KLHL1: variants seen among roughly 807,000 people sequenced by gnomAD.
KLHL1 encodes kelch-like protein 1.
A neutral mutation model predicts 77.7 loss-of-function variants in KLHL1; 47 were observed. The observed-to-expected ratio is 0.60, with a 90% CI of 0.48 to 0.77. The LOEUF (loss-of-function observed/expected upper bound fraction) is 0.77, where lower values mean the gene tolerates loss of function less well. KLHL1 is among the 30% of genes least tolerant of loss of function. The pLI, the probability that KLHL1 is intolerant of heterozygous loss-of-function variation, is 0.00. For missense variants in KLHL1, 925 were observed against 910.8 expected (o/e 1.02, Z -0.20); for synonymous variants, 360 against 325.2 (o/e 1.11, Z -1.15).
Position 70,054,362 on chromosome 13 carries a change from A to C in KLHL1, c.497+52841T>G, listed in dbSNP as rs189600700. 1.7e-3 allele frequency among the ~76,000 whole-genome samples: 263 copies of C among 152,194 alleles called. 1 individual carries two copies. The highest frequency in any genetic ancestry group is 5.9e-3 in the African/African-American group (246 of 41,530). The stretch of plus-strand genomic sequence containing the variant: ...AATGTGATACAAGTGTCCAGTATAC[A>C]CTATTATGTTTCTAGAGGTTTTTTA... On this transcript the variant is annotated intron_variant, in intron 1 of 10. Transcript: ENST00000377844.
intron 6 of KLHL1, among the ~76,000 whole-genome samples, chr13:69,815,377 T>C (rs1048152442): frequency 6.6e-5 from 10 of 152,150 alleles, no homozygotes; most frequent in African/African-American, 2.4e-4. Context: ...GCAGCCATAA[T>C]AAAGAATGAA....
intron 8 of KLHL1, among the ~76,000 whole-genome samples, chr13:69,724,939 C>T (rs190497577): frequency 2.6e-4 from 39 of 152,244 alleles, no homozygotes; most frequent in Admixed American, 2.0e-3. Context: ...ATCATGTTTA[C>T]ATCTGCTCTA....
chr13:70,025,154 T>C (rs1421457299), intron 1 of KLHL1, among the ~76,000 whole-genome samples: 2 of 152,024 alleles, frequency 1.3e-5, no homozygotes, highest in East Asian at 1.9e-4. Context: ...CTCATTTAAA[T>C]TATAGTTAAG....
At chr13:69,993,297 G>A (rs1388058292) in intron 1 of KLHL1, among the ~76,000 whole-genome samples, 3 of 151,998 alleles carry the variant, frequency 2.0e-5, no homozygotes, top group African/African-American at 2.4e-5. Context: ...AGTTTATATA[G>A]CATTTTCACT....
chr13:70,069,935 G>A (rs992851371), intron 1 of KLHL1, among the ~76,000 whole-genome samples: 3 of 151,968 alleles, frequency 2.0e-5, no homozygotes, highest in African/African-American at 4.8e-5. Context: ...TTGGGAGGCC[G>A]AGGCAGGCAG....
chr13:69,917,041 T>G (rs1432551018), intron 4 of KLHL1, among the ~76,000 whole-genome samples: 117 of 152,182 alleles, frequency 7.7e-4, no homozygotes, highest in Admixed American at 7.7e-3. Context: ...TATATGTGTA[T>G]TGTTTGCACA....
chr13:69,969,593 C>T (rs1351344791), intron 2 of KLHL1, among the ~76,000 whole-genome samples: 1 of 152,018 alleles, frequency 6.6e-6, no homozygotes, highest in Non-Finnish European at 1.5e-5. Context: ...AGCAAGGCCA[C>T]ATCTCCATAG....
chr13:69,713,843 G>C (rs1050627539), intron 9 of KLHL1, among the ~76,000 whole-genome samples: 4 of 151,878 alleles, frequency 2.6e-5, no homozygotes, highest in South Asian at 2.1e-4. Context: ...CAATATTCTG[G>C]GTCATAGAGT....
intron 4 of KLHL1, among the ~76,000 whole-genome samples, chr13:69,926,719 G>A (rs770636961): frequency 2.6e-5 from 4 of 151,696 alleles, no homozygotes; most frequent in African/African-American, 7.3e-5. Context: ...AGGCTGAGGC[G>A]GGTGGATCAC....
chr13:69,799,056 T>C (rs1010158571), intron 6 of KLHL1, among the ~76,000 whole-genome samples: 1 of 151,002 alleles, frequency 6.6e-6, no homozygotes, highest in Non-Finnish European at 1.5e-5. Flanking sequence ...GCCACTGCAC[T>C]CCAGCCTGGC....
chr13:69,934,995 TATATAC>T (rs1883133750), intron 4 of KLHL1, among the ~76,000 whole-genome samples: 1 of 143,888 alleles, frequency 6.9e-6, no homozygotes, highest in Admixed American at 6.9e-5. Flanking sequence ...TATATGTATA[TATATAC>T]ATATTATCAT....
chr13:69,871,902 CT>C (rs1880600378), intron 5 of KLHL1, among the ~76,000 whole-genome samples: 1 of 151,994 alleles, frequency 6.6e-6, no homozygotes, highest in African/African-American at 2.4e-5. Context: ...TTTCCCTCAT[CT>C]TGCTTTATTT....
intron 1 of KLHL1, among the ~76,000 whole-genome samples, chr13:70,105,906 C>T (rs9572371): frequency 0.014 from 2,182 of 150,724 alleles, 39 homozygotes; most frequent in South Asian, 0.031. Flanking sequence ...ACTTCTCCCT[C>T]ATTAAAATTA....
chr13:70,040,615 T>A (rs1886355016), intron 1 of KLHL1, among the ~76,000 whole-genome samples: 1 of 152,162 alleles, frequency 6.6e-6, no homozygotes, highest in Admixed American at 6.6e-5. Flanking sequence ...ACTTTGTTCC[T>A]CTCTGGTTGC....
At chr13:70,068,273 G>A (rs902687730) in intron 1 of KLHL1, among the ~76,000 whole-genome samples, 18 of 151,916 alleles carry the variant, frequency 1.2e-4, no homozygotes, top group Non-Finnish European at 1.8e-4. Flanking sequence ...CCCGGGAGGC[G>A]GAGCTTGCAG....
In KLHL1 at chr13:70,002,913, G is replaced by A. The variant is rs562037705; in HGVS notation, c.498-27111C>T. Among the ~76,000 whole-genome samples the A allele has an allele frequency of 7.9e-4, 119 of 151,380 alleles. 1 individual carries two copies. The highest frequency in any genetic ancestry group is 2.3e-3 in the African/African-American group (95 of 41,326). ...TCCAAAAGGAAAAATAACAACATAA[G>A]TATTTTCATTATTTTTATTAGGGAA... On this transcript the variant is annotated intron_variant, in intron 1 of 10. Coordinates refer to ENST00000377844, the MANE Select transcript of KLHL1 (RefSeq NM_020866.3).
At chr13:69,753,962 A>G (rs1874596566) in intron 7 of KLHL1, among the ~76,000 whole-genome samples, 1 of 151,762 alleles carries the variant, frequency 6.6e-6, no homozygotes, top group African/African-American at 2.4e-5. Flanking sequence ...TCAGCCTCCC[A>G]GGTAGCTGGG....
chr13:69,987,604 G>C (rs1278502346), intron 1 of KLHL1, among the ~76,000 whole-genome samples: 1 of 151,828 alleles, frequency 6.6e-6, no homozygotes. Flanking sequence ...AAGTAAAGAA[G>C]GTTGGAAGGA....
Position 70,107,390 on chromosome 13 carries a change from G to C in KLHL1, c.310C>G (p.Gln104Glu). Residue 104 changes from glutamine (Q) to glutamate (E), a missense_variant, in exon 1 of 11, where the codon CAG (glutamine) becomes GAG (glutamate). Transcript: ENST00000377844. ...GTGCCCTGCCCAGGAGCCCCTTGCT[G>C]CAGCCTCGTGGCAACTGGAAGCAGG... ...GTLLPVATRL[Q>E]QGAPGQGTQQ... is the part of the protein sequence containing the mutation. 1.2e-6 allele frequency: 2 copies of C among 1,614,034 alleles called. No individual in the cohort carries two copies. The highest frequency in any genetic ancestry group is 1.7e-6 in the Non-Finnish European group (2 of 1,180,032).
Sources: gnomAD v4.1 joint callset for allele counts (sites outside exome capture counted in the v4.1 genomes callset) on GRCh38, gnomAD v4.1.1 for gene constraint, MANE v1.5 for transcripts, NCBI Gene and HGNC (gene_info 2026-07-23, HGNC 2026-07-21) for gene names.